SUSD5: variants seen among roughly 807,000 people sequenced by gnomAD.
The protein encoded by SUSD5 is sushi domain containing 5.
In SUSD5, 33 loss-of-function variants were observed where a neutral mutation model predicts 29.5. That is an observed-to-expected ratio of 1.12 (90% CI 0.85 to 1.49). The LOEUF is 1.49. Ranked by LOEUF, SUSD5 falls within the 40% of genes most tolerant of loss-of-function variation. SUSD5 has a pLI of 0.00. For missense variants in SUSD5, 776 were observed against 800.6 expected (o/e 0.97, Z 0.37); for synonymous variants, 308 against 325.3 (o/e 0.95, Z 0.57).
intron 2 of SUSD5, among the ~76,000 whole-genome samples, chr3:33,211,954 C>T (rs1194423694): frequency 1.3e-5 from 2 of 152,078 alleles, no homozygotes; most frequent in Non-Finnish European, 2.9e-5. Flanking sequence ...CTTCTGCATA[C>T]AGATATCCAG....
chr3:33,206,412 AGTGTGT>A (rs5847777), intron 3 of SUSD5, among the ~76,000 whole-genome samples: 44,337 of 148,438 alleles, frequency 0.3, 6,968 homozygotes, highest in Middle Eastern at 0.36. Context: ...AATTTACTTG[AGTGTGT>A]GTGTGTGTGT....
At chr3:33,163,136 A>T (rs1025131933) in intron 4 of SUSD5, among the ~76,000 whole-genome samples, 2 of 152,150 alleles carry the variant, frequency 1.3e-5, no homozygotes, top group Admixed American at 6.5e-5. Context: ...CCAATCTTAT[A>T]CAAACTCTTC....
chr3:33,194,908 C>T (rs1476329603), intron 3 of SUSD5, among the ~76,000 whole-genome samples: 1 of 152,100 alleles, frequency 6.6e-6, no homozygotes, highest in African/African-American at 2.4e-5. Context: ...TAAATAATCA[C>T]TTTCAGCTGG....
intron 3 of SUSD5, among the ~76,000 whole-genome samples, chr3:33,200,987 A>G (rs1048492396): frequency 1.4e-4 from 21 of 152,238 alleles, no homozygotes; most frequent in African/African-American, 5.1e-4. Context: ...GGAATTGTTA[A>G]GCAAAAAGGA....
chr3:33,206,939 T>G (rs2125632100), intron 3 of SUSD5, among the ~76,000 whole-genome samples: 1 of 152,238 alleles, frequency 6.6e-6, no homozygotes, highest in East Asian at 1.9e-4. Flanking sequence ...GAGTCCAGTG[T>G]GCAGCCAAGA....
Position 33,153,721 on chromosome 3 carries a change from G to A in SUSD5, c.911C>T (p.Pro304Leu), listed in dbSNP as rs150528777. ...FWFPAEAFHK[P>L]GLEKEVDDDT... ...ATCATCCACCTCCTTTTCCAACCCA[G>A]GCTTGTGGAAAGCCTCAGCAGGAAA... The change falls in exon 5 of 5, where the codon CCT becomes CTT. Residue 304 changes from proline to leucine, a missense_variant. Coordinates refer to ENST00000309558, the MANE Select transcript of SUSD5 (RefSeq NM_015551.2). 158 of 1,614,002 alleles carry A rather than the reference G, an allele frequency of 9.8e-5. No individual in the cohort carries two copies. The African/African-American group carries it at 2.0e-3, about 20-fold the overall frequency.
chr3:33,207,446 C>T (rs1233622554), intron 3 of SUSD5, among the ~76,000 whole-genome samples: 1 of 152,178 alleles, frequency 6.6e-6, no homozygotes, highest in Non-Finnish European at 1.5e-5. Context: ...TTTATATCTC[C>T]TGAAGCAACC....
intron 3 of SUSD5, among the ~76,000 whole-genome samples, chr3:33,198,907 G>A (rs1293936480): frequency 6.6e-6 from 1 of 152,144 alleles, no homozygotes; most frequent in Non-Finnish European, 1.5e-5. Flanking sequence ...GGACACTGAA[G>A]TCAGCAGACA....
intron 2 of SUSD5, 80 bp downstream of exon 2, chr3:33,213,848 A>C (rs532627925): frequency 1.6e-4 from 231 of 1,449,016 alleles, no homozygotes; most frequent in Non-Finnish European, 2.1e-4. Flanking sequence ...TGGTACCTCA[A>C]CAGAACAATT....
intron 1 of SUSD5, among the ~76,000 whole-genome samples, chr3:33,216,433 TAAAG>T (rs1030581338): frequency 2.0e-5 from 3 of 152,148 alleles, no homozygotes; most frequent in Non-Finnish European, 4.4e-5. Context: ...CTTTCAGAGT[TAAAG>T]AAGGAGCAAC....
At chr3:33,176,276 T>C (rs1057140101) in intron 3 of SUSD5, among the ~76,000 whole-genome samples, 3 of 152,248 alleles carry the variant, frequency 2.0e-5, no homozygotes, top group Non-Finnish European at 4.4e-5. Context: ...CTTCCGAGTT[T>C]TGGCAACAAT....
At chr3:33,154,254 G>A (rs2030997370) in intron 4 of SUSD5, among the ~76,000 whole-genome samples, 1 of 152,218 alleles carries the variant, frequency 6.6e-6, no homozygotes, top group South Asian at 2.1e-4. Context: ...CGGGCATGGT[G>A]GCTCACACTT....
At chr3:33,173,460 G>A (rs1318746753) in intron 4 of SUSD5, among the ~76,000 whole-genome samples, 9 of 152,176 alleles carry the variant, frequency 5.9e-5, no homozygotes, top group Non-Finnish European at 1.3e-4. Context: ...ATGAAAATAA[G>A]CAAAATGTCC....
chr3:33,162,560 G>C (rs2031213857), intron 4 of SUSD5, among the ~76,000 whole-genome samples: 1 of 152,178 alleles, frequency 6.6e-6, no homozygotes, highest in Non-Finnish European at 1.5e-5. Flanking sequence ...AGAATTTAGA[G>C]AAGATGCAAA....
intron 3 of SUSD5, among the ~76,000 whole-genome samples, chr3:33,195,245 G>C (rs2031973636): frequency 6.6e-6 from 1 of 152,114 alleles, no homozygotes; most frequent in African/African-American, 2.4e-5. Flanking sequence ...AGTTGCAAGT[G>C]GTTTTATTTG....
intron 3 of SUSD5, among the ~76,000 whole-genome samples, chr3:33,192,511 T>C (rs2031913895): frequency 6.6e-6 from 1 of 151,886 alleles, no homozygotes; most frequent in Non-Finnish European, 1.5e-5. Flanking sequence ...GATATCTACA[T>C]ATATCAATAC....
At chr3:33,189,533 A>ATT (rs1038139308) in intron 3 of SUSD5, among the ~76,000 whole-genome samples, 3 of 150,274 alleles carry the variant, frequency 2.0e-5, no homozygotes, top group African/African-American at 2.4e-5. Flanking sequence ...AATGTCCTGG[A>ATT]TTTGCTTTAA....
intron 4 of SUSD5, among the ~76,000 whole-genome samples, chr3:33,173,654 CA>C (rs1313662299): frequency 6.6e-6 from 1 of 152,228 alleles, no homozygotes; most frequent in African/African-American, 2.4e-5. Flanking sequence ...ATTCCAGGGA[CA>C]AACTGTCCTA....
intron 4 of SUSD5, among the ~76,000 whole-genome samples, chr3:33,163,722 G>T (rs1485685208): frequency 1.3e-5 from 2 of 152,208 alleles, no homozygotes; most frequent in Non-Finnish European, 2.9e-5. Flanking sequence ...AAATGGCCGG[G>T]TGCGGTGGCT....
Sources: gnomAD v4.1 joint callset for allele counts (sites outside exome capture counted in the v4.1 genomes callset) on GRCh38, gnomAD v4.1.1 for gene constraint, MANE v1.5 for transcripts, NCBI Gene and HGNC (gene_info 2026-07-23, HGNC 2026-07-21) for gene names.